WDR37: variants seen among roughly 807,000 people sequenced by gnomAD.
WDR37 encodes WD repeat domain 37.
WDR37 carries 19 observed loss-of-function variants against 62.9 expected under a neutral mutation model. The observed-to-expected ratio is 0.30, with a 90% CI of 0.21 to 0.44. WDR37 has a LOEUF of 0.44. WDR37 is among the 20% of genes least tolerant of loss of function. The pLI, the probability that WDR37 is intolerant of heterozygous loss-of-function variation, is 1.00. For missense variants in WDR37, 474 were observed against 657.6 expected (o/e 0.72, Z 3.05); for synonymous variants, 250 against 260.9 (o/e 0.96, Z 0.40).
At chr10:1,077,057 A>C (rs1243321658) in intron 2 of WDR37, among the ~76,000 whole-genome samples, 2 of 150,412 alleles carry the variant, frequency 1.3e-5, no homozygotes, top group East Asian at 3.9e-4. Context: ...TTTGATGGGG[A>C]TTTTTTTGAA....
At chr10:1,076,183 T>C (rs1238459729) in intron 2 of WDR37, among the ~76,000 whole-genome samples, 2 of 152,142 alleles carry the variant, frequency 1.3e-5, no homozygotes, top group African/African-American at 2.4e-5. Context: ...TTAGAGGCTA[T>C]AGTACCAATT....
intron 2 of WDR37, 93 bp downstream of exon 2, chr10:1,072,386 C>G (rs763335464): frequency 1.0e-5 from 15 of 1,507,368 alleles, no homozygotes; most frequent in Non-Finnish European, 1.4e-5. Flanking sequence ...GGTGCGATCT[C>G]CGCTCACAAC....
chr10:1,089,746 G>A (rs1216657308), intron 7 of WDR37, among the ~76,000 whole-genome samples: 2 of 152,034 alleles, frequency 1.3e-5, no homozygotes, highest in Non-Finnish European at 2.9e-5. Context: ...CTCACTCACC[G>A]TCACCATCTG....
At chr10:1,069,973 A>C (rs1489884554) in intron 1 of WDR37, among the ~76,000 whole-genome samples, 1 of 152,144 alleles carries the variant, frequency 6.6e-6, no homozygotes, top group Non-Finnish European at 1.5e-5. Context: ...TGGGAGGCTG[A>C]GGTGGGTGGA....
At chr10:1,068,287 C>G (rs982220837) in intron 1 of WDR37, among the ~76,000 whole-genome samples, 8 of 151,364 alleles carry the variant, frequency 5.3e-5, no homozygotes, top group Non-Finnish European at 1.0e-4. Flanking sequence ...GGAGACCATC[C>G]TGGTTAACAC....
chr10:1,101,232 C>G (rs943937873), intron 9 of WDR37, among the ~76,000 whole-genome samples: 4 of 152,180 alleles, frequency 2.6e-5, no homozygotes, highest in African/African-American at 9.7e-5. Context: ...GACTTCTGAA[C>G]AACAGATCCG....
At chr10:1,076,884 C>T (rs1163529712) in intron 2 of WDR37, among the ~76,000 whole-genome samples, 7 of 150,514 alleles carry the variant, frequency 4.7e-5, no homozygotes, top group Non-Finnish European at 1.0e-4. Flanking sequence ...CCTATAGTCC[C>T]AGCTACTGGG....
Position 1,103,700 on chromosome 10 carries a change from A to G in WDR37, c.825A>G (p.Thr275=), listed in dbSNP as rs1189395440. ...GCCCCACCATCCGCGTCCCACTGAC[A>G]TCCCTCAAGAGCCACCAGGGCGTGG... ...SDCPTIRVPL[T]SLKSHQGVVI... The change falls in exon 10 of 14, where the codon ACA becomes ACG. Residue 275 remains threonine, a synonymous_variant. Transcript: ENST00000263150. This position sits in a 1 kb window ranked among gnomAD's most constrained non-coding sequence, Gnocchi z 6.3. The G allele has an allele frequency of 1.9e-6, 3 of 1,614,254 alleles. No homozygotes were observed. In the South Asian group the frequency reaches 3.3e-5, roughly 18 times the overall value.
At chr10:1,061,691 T>C (rs1833376714) in intron 1 of WDR37, among the ~76,000 whole-genome samples, 1 of 151,954 alleles carries the variant, frequency 6.6e-6, no homozygotes, top group Non-Finnish European at 1.5e-5. Context: ...ATACAAAAAT[T>C]AGCTGGGCAT....
chr10:1,081,330 T>C (rs1834021450), intron 5 of WDR37, among the ~76,000 whole-genome samples: 1 of 152,264 alleles, frequency 6.6e-6, no homozygotes. Context: ...GGTAATTTTG[T>C]ATGCATCTGT....
chr10:1,065,778 G>A (rs1182730328), intron 1 of WDR37, among the ~76,000 whole-genome samples: 1 of 152,160 alleles, frequency 6.6e-6, no homozygotes, highest in African/African-American at 2.4e-5. Context: ...GCAAAGCAAG[G>A]GTGTTTGCTG....
intron 11 of WDR37, among the ~76,000 whole-genome samples, chr10:1,109,015 C>T (rs966097457): frequency 7.2e-5 from 11 of 152,106 alleles, no homozygotes; most frequent in Non-Finnish European, 1.3e-4. Flanking sequence ...ATGGAAAGGC[C>T]GAAGAATTCT....
At chr10:1,098,326 G>GTTTTT (rs34462108) in intron 9 of WDR37, among the ~76,000 whole-genome samples, 6 of 120,280 alleles carry the variant, frequency 5.0e-5, no homozygotes, top group East Asian at 2.5e-4. Flanking sequence ...CCATCTGTCC[G>GTTTTT]TTTTTTTTTT....
intron 7 of WDR37, among the ~76,000 whole-genome samples, chr10:1,086,591 A>G (rs191647887): frequency 1.3e-5 from 2 of 152,356 alleles, no homozygotes; most frequent in Admixed American, 1.3e-4. Context: ...GTTAGTCTGC[A>G]TTTTATTTAA....
At chr10:1,085,044 C>T (rs1041286405) in intron 6 of WDR37, among the ~76,000 whole-genome samples, 3 of 152,248 alleles carry the variant, frequency 2.0e-5, no homozygotes, top group African/African-American at 7.2e-5. Flanking sequence ...TCACTGCAAC[C>T]TCTGCCACCT....
At chr10:1,096,341 G>A (rs2131646307) in intron 9 of WDR37, 95 bp downstream of exon 9, 5 of 1,399,738 alleles carry the variant, frequency 3.6e-6, no homozygotes, top group South Asian at 2.3e-5. Flanking sequence ...GAATGTTTGT[G>A]TCCCCCCAAG....
At position 1,129,461 on chromosome 10, in the gene WDR37, G is replaced by A. The variant is rs1042941590; in HGVS notation, c.*117G>A. On this transcript the variant is annotated 3_prime_UTR_variant, in exon 14 of 14. Transcript: ENST00000263150. ...AGTTTGACCCTGGAAAGGGTGCTTT[G>A]TATATGTTCTTTTCACATAGTGCCC... 2 of 1,436,084 alleles carry A rather than the reference G, an allele frequency of 1.4e-6. No individual in the cohort carries two copies. The highest frequency in any genetic ancestry group is 1.9e-6 in the Non-Finnish European group (2 of 1,059,256). 89.0% of individuals were successfully genotyped at this position (1,436,084 alleles called of 1,614,324 possible).
chr10:1,087,096 TC>T (rs1834226109), intron 7 of WDR37, among the ~76,000 whole-genome samples: 1 of 152,202 alleles, frequency 6.6e-6, no homozygotes, highest in Non-Finnish European at 1.5e-5. Context: ...TGTGGAGCCT[TC>T]CCCTCCCCTT....
chr10:1,092,259 C>T (rs1021502093), intron 7 of WDR37, among the ~76,000 whole-genome samples: 4 of 151,942 alleles, frequency 2.6e-5, no homozygotes, highest in Admixed American at 2.6e-4. Context: ...GTAATCCCAG[C>T]ACTTTGGGAG....
Sources: gnomAD v4.1 joint callset for allele counts (sites outside exome capture counted in the v4.1 genomes callset) on GRCh38, gnomAD v4.1.1 for gene constraint, Gnocchi (gnomAD v3.1) non-coding constraint, MANE v1.5 for transcripts, NCBI Gene and HGNC (gene_info 2026-07-23, HGNC 2026-07-21) for gene names.